RPS6KC1: variants seen among roughly 807,000 people sequenced by gnomAD.
RPS6KC1 encodes the protein inactive ribosomal protein S6 kinase delta-1.
Under a neutral mutation model 103.8 loss-of-function variants are expected in RPS6KC1, and 54 were observed. The observed-to-expected ratio is 0.52, with a 90% confidence interval of 0.42 to 0.65. The LOEUF is 0.65. Among genes scored for constraint, RPS6KC1 ranks in the 30% least tolerant of loss-of-function variants. The probability of loss-of-function intolerance (pLI) is 0.00; values close to 1 mark genes in which losing one functional copy is unlikely to be tolerated. For synonymous variants in RPS6KC1, 439 were observed against 438.7 expected, an observed-to-expected ratio of 1.00 and a Z score of -0.01; for missense variants, 1,151 against 1,253.8, an observed-to-expected ratio of 0.92 and a Z score of 1.24.
chr1:213,641,633 G>A, the RPS6KC1 span, among the ~76,000 whole-genome samples: 1 of 151,882 alleles, frequency 6.6e-6, no homozygotes, highest in East Asian at 1.9e-4. Flanking sequence ...AAGCATGTGT[G>A]GGTTAAAGCT....
the RPS6KC1 span, among the ~76,000 whole-genome samples, chr1:213,610,093 T>C: frequency 6.6e-6 from 1 of 152,188 alleles, no homozygotes; most frequent in Admixed American, 6.5e-5. Context: ...ACCACGCCTT[T>C]GTTTACACTG....
chr1:213,758,404 C>G, the RPS6KC1 span, among the ~76,000 whole-genome samples: 2 of 151,950 alleles, frequency 1.3e-5, no homozygotes, highest in Admixed American at 6.6e-5. Flanking sequence ...ATGGTAAAAC[C>G]CTGTCTCTAC....
chr1:213,804,014 G>T, the RPS6KC1 span, among the ~76,000 whole-genome samples: 4 of 151,384 alleles, frequency 2.6e-5, no homozygotes, highest in African/African-American at 9.7e-5. Context: ...TAATGTAAAT[G>T]ACAAGTTAAT....
chr1:213,325,169 C>T, the RPS6KC1 span, among the ~76,000 whole-genome samples: 1 of 152,098 alleles, frequency 6.6e-6, no homozygotes, highest in Non-Finnish European at 1.5e-5. Context: ...TGGGCATTAT[C>T]CCTCTTCAGC....
the RPS6KC1 span, among the ~76,000 whole-genome samples, chr1:213,811,980 AG>A: frequency 1.3e-5 from 2 of 152,242 alleles, no homozygotes; most frequent in African/African-American, 4.8e-5. Context: ...TAAATTAGAT[AG>A]TTTTATTGTG....
the RPS6KC1 span, among the ~76,000 whole-genome samples, chr1:213,357,400 A>G: frequency 1.3e-5 from 2 of 152,182 alleles, no homozygotes; most frequent in Admixed American, 6.5e-5. Flanking sequence ...AGGAAGGGTG[A>G]GAGGGGGTAA....
At chr1:213,383,622 T>G in the RPS6KC1 span, among the ~76,000 whole-genome samples, 1 of 152,200 alleles carries the variant, frequency 6.6e-6, no homozygotes, top group Non-Finnish European at 1.5e-5. Flanking sequence ...TGACTGTATT[T>G]GGAGACCGGG....
chr1:213,389,423 G>C, the RPS6KC1 span, among the ~76,000 whole-genome samples: 17 of 152,236 alleles, frequency 1.1e-4, no homozygotes, highest in African/African-American at 3.6e-4. Context: ...AAATGCTTGG[G>C]CGACAGGGAA....
chr1:213,068,993 G>C (rs58012353), intron 1 of RPS6KC1, among the ~76,000 whole-genome samples: 5,492 of 151,910 alleles, frequency 0.036, 307 homozygotes, highest in African/African-American at 0.13. Context: ...AGGAGTTTGA[G>C]GCTGCAGTGA....
At chr1:213,059,229 C>G (rs966568089) in intron 1 of RPS6KC1, among the ~76,000 whole-genome samples, 3 of 152,216 alleles carry the variant, frequency 2.0e-5, no homozygotes, top group African/African-American at 7.2e-5. Context: ...CTTATTAGTT[C>G]TAAGACTTTT....
chr1:213,402,737 T>G, the RPS6KC1 span, among the ~76,000 whole-genome samples: 39 of 152,036 alleles, frequency 2.6e-4, no homozygotes, highest in Non-Finnish European at 5.0e-4. Flanking sequence ...TTCTTTCCAA[T>G]AAACTCATAA....
chr1:213,742,400 T>C, the RPS6KC1 span, among the ~76,000 whole-genome samples: 1 of 152,234 alleles, frequency 6.6e-6, no homozygotes, highest in African/African-American at 2.4e-5. Flanking sequence ...TTTTACAGGA[T>C]TTATGTGCTG....
the RPS6KC1 span, among the ~76,000 whole-genome samples, chr1:213,325,162 G>A: frequency 6.6e-6 from 1 of 152,148 alleles, no homozygotes; most frequent in Non-Finnish European, 1.5e-5. Context: ...AGAGCGGTGG[G>A]CATTATCCCT....
At chr1:213,533,338 C>T in the RPS6KC1 span, among the ~76,000 whole-genome samples, 1 of 152,076 alleles carries the variant, frequency 6.6e-6, no homozygotes, top group African/African-American at 2.4e-5. Context: ...AAAAATGGGG[C>T]CATTAACAGA....
chr1:213,735,285 G>C, the RPS6KC1 span, among the ~76,000 whole-genome samples: 1 of 152,206 alleles, frequency 6.6e-6, no homozygotes, highest in East Asian at 1.9e-4. Flanking sequence ...GTCCAGGATA[G>C]CTACTGATAC....
At chr1:213,167,755 T>C (rs2091117912) in intron 6 of RPS6KC1, 103 bp from the exon 7 acceptor site, 1 of 552,686 alleles carries the variant, frequency 1.8e-6, no homozygotes, top group Non-Finnish European at 3.1e-6. Context: ...CTCTTCTTTT[T>C]TGTTAGAAAT....
chr1:213,790,588 T>C, the RPS6KC1 span, among the ~76,000 whole-genome samples: 3 of 152,058 alleles, frequency 2.0e-5, no homozygotes, highest in African/African-American at 7.2e-5. Context: ...GGGAGAGGCA[T>C]TGGGGACTGG....
chr1:213,310,349 C>G, the RPS6KC1 span, among the ~76,000 whole-genome samples: 10 of 152,170 alleles, frequency 6.6e-5, no homozygotes, highest in African/African-American at 2.4e-4. Context: ...TGATGTCACC[C>G]GTATCCCATC....
At chr1:213,712,520 C>T in the RPS6KC1 span, among the ~76,000 whole-genome samples, 2 of 152,110 alleles carry the variant, frequency 1.3e-5, no homozygotes, top group African/African-American at 4.8e-5. Context: ...CCAGGGGAGT[C>T]AACGGTTCTG....
Sources: allele counts gnomAD v4.1 joint callset (sites outside exome capture counted in the v4.1 genomes callset), GRCh38; gene constraint gnomAD v4.1.1; transcripts MANE v1.5; gene names NCBI Gene and HGNC (gene_info 2026-07-23, HGNC 2026-07-21).